Variants in MRPL47 observed in about 807,000 individuals in gnomAD.
MRPL47 encodes mitochondrial ribosomal protein L47, also known as large ribosomal subunit protein uL29m.
A neutral mutation model predicts 34.0 loss-of-function variants in MRPL47; 31 were observed. The ratio of observed to expected loss-of-function variants is 0.91; its 90% CI spans 0.68 to 1.23. MRPL47 has a LOEUF of 1.23. MRPL47 is among the 50% of genes most tolerant of loss of function. MRPL47 has a pLI of 0.00. For synonymous variants in MRPL47, 106 were observed against 101.6 expected (o/e 1.04, Z -0.26); for missense variants, 328 against 285.8 (o/e 1.15, Z -1.07).
chr3:179,589,346 A>G (rs545391550), intron 6 of MRPL47, among the ~76,000 whole-genome samples: 7 of 152,312 alleles, frequency 4.6e-5, no homozygotes, highest in Admixed American at 2.6e-4. Flanking sequence ...AGTGAGTACT[A>G]TTTGAAAGTA....
At chr3:179,599,259 ATGTG>A (rs1718868459) in intron 3 of MRPL47, among the ~76,000 whole-genome samples, 2 of 152,108 alleles carry the variant, frequency 1.3e-5, no homozygotes, top group African/African-American at 4.8e-5. Flanking sequence ...TTGCTTATCC[ATGTG>A]TTCAATAAAC....
chr3:179,591,008 A>C (rs1718661444), intron 6 of MRPL47, among the ~76,000 whole-genome samples: 1 of 152,256 alleles, frequency 6.6e-6, no homozygotes, highest in South Asian at 2.1e-4. Flanking sequence ...GTGATTCTAA[A>C]GTACACTAAA....
At chr3:179,600,075 C>A (rs1277018359) in intron 3 of MRPL47, among the ~76,000 whole-genome samples, 2 of 151,030 alleles carry the variant, frequency 1.3e-5, no homozygotes, top group African/African-American at 2.4e-5. Context: ...GGGCTGAGAT[C>A]GTGCCATTGC....
rs1190064097 is a variant in MRPL47, at chr3:179,592,686, C to G, written c.587G>C (p.Arg196Thr). ...ATAAGGCAAGGCAAAGAATCGTTTC[C>G]TATTGTATCTTTTATTTAGGTGCCA... ...IPWHLNKRYN[R>T]KRFFALPYVD... is the part of the protein sequence containing the mutation. The change falls in exon 6 of 7, where the codon AGG becomes ACG. Residue 196 changes from arginine (R) to threonine (T), a missense_variant. Coordinates refer to ENST00000476781, the MANE Select transcript of MRPL47 (RefSeq NM_020409.3). 2 of 1,613,934 alleles carry G rather than the reference C, an allele frequency of 1.2e-6. No individual in the cohort carries two copies. The highest frequency in any genetic ancestry group is 4.5e-5 in the East Asian group (2 of 44,860).
Position 179,588,820 on chromosome 3 carries a change from T to C in MRPL47, c.*52A>G. On this transcript the variant is annotated 3_prime_UTR_variant, in exon 7 of 7. Transcript: ENST00000476781. ...AAACCACTTAACATATTTACTCCTG[T>C]ACACAGACTATTCAAGAAAAACAAA... The C allele has an allele frequency of 6.4e-7, 1 of 1,567,674 alleles. No homozygotes were observed. Among genetic ancestry groups the C allele is most frequent in the East Asian group, 2.2e-5 (1 of 44,504 alleles).
intron 3 of MRPL47, among the ~76,000 whole-genome samples, chr3:179,601,269 GT>G (rs1718919465): frequency 6.6e-6 from 1 of 152,074 alleles, no homozygotes; most frequent in South Asian, 2.1e-4. Flanking sequence ...TTAGCTGGGT[GT>G]GGTGGTGCAT....
At chr3:179,593,182 TC>T (rs1718714296) in intron 5 of MRPL47, among the ~76,000 whole-genome samples, 1 of 152,170 alleles carries the variant, frequency 6.6e-6, no homozygotes. Flanking sequence ...GATTACCAGA[TC>T]CTTTCCCAAA....
intron 3 of MRPL47, among the ~76,000 whole-genome samples, chr3:179,599,653 A>G (rs1718881018): frequency 6.6e-6 from 1 of 152,228 alleles, no homozygotes; most frequent in African/African-American, 2.4e-5. Context: ...GGGACAGGCA[A>G]TAAGTACCAG....
At chr3:179,597,001 A>G (rs1718802618) in intron 4 of MRPL47, among the ~76,000 whole-genome samples, 1 of 152,210 alleles carries the variant, frequency 6.6e-6, no homozygotes, top group Non-Finnish European at 1.5e-5. Context: ...TGAAGTTTTT[A>G]TAGATAAAGG....
intron 5 of MRPL47, 133 bp downstream of exon 5, chr3:179,593,632 C>T: frequency 2.7e-6 from 2 of 734,904 alleles, no homozygotes; most frequent in Non-Finnish European, 4.1e-6. Context: ...GGGTGTGGGG[C>T]CTCTTCTTTT....
intron 5 of MRPL47, among the ~76,000 whole-genome samples, chr3:179,593,280 C>T (rs577900960): frequency 6.6e-6 from 1 of 152,306 alleles, no homozygotes; most frequent in Non-Finnish European, 1.5e-5. Flanking sequence ...AGGGCTTATC[C>T]TGATGGCAGT....
chr3:179,593,235 A>G (rs1282361219), intron 5 of MRPL47, among the ~76,000 whole-genome samples: 4 of 152,220 alleles, frequency 2.6e-5, no homozygotes, highest in Admixed American at 2.6e-4. Context: ...AGAAACAAGG[A>G]GGTATAAAAA....
Position 179,595,809 on chromosome 3 carries a change from T to G in MRPL47, c.403-1914A>C, listed in dbSNP as rs1576867550. On this transcript the variant is annotated intron_variant, in intron 4 of 6. Coordinates refer to ENST00000476781, the MANE Select transcript of MRPL47 (RefSeq NM_020409.3). ...AAGTCAACCTCAAAGAGCCTTCTTTTCTATAAGTTTCTCAGTGCCAGGAGC... is the reference window on the plus strand; with the variant it reads ...AAGTCAACCTCAAAGAGCCTTCTTTGCTATAAGTTTCTCAGTGCCAGGAGC... Among the ~76,000 whole-genome samples the G allele has an allele frequency of 4.6e-5, 7 of 152,250 alleles. No homozygotes were observed. The South Asian group carries it at 1.5e-3, about 32-fold the overall frequency.
intron 4 of MRPL47, among the ~76,000 whole-genome samples, chr3:179,598,042 A>C (rs1718828561): frequency 6.6e-6 from 1 of 152,204 alleles, no homozygotes; most frequent in African/African-American, 2.4e-5. Flanking sequence ...GCGGTTTCTT[A>C]AAATGCTAAA....
At position 179,602,021 on chromosome 3, in the gene MRPL47, AT is replaced by A. The variant is rs568716872; in HGVS notation, c.245-232del. ...AAATGTTAGCATTAGTACAGAACGT[AT>A]TTTCACACCCTAATGACAAAATACT... is the stretch of plus-strand genomic sequence containing the variant. On this transcript the variant is annotated intron_variant, in intron 2 of 6. Transcript: ENST00000476781. Among the ~76,000 whole-genome samples, 24 of 152,342 alleles carry A rather than the reference AT, an allele frequency of 1.6e-4. No individual in the cohort carries two copies. In the South Asian group the frequency reaches 4.8e-3, roughly 30 times the overall value.
At chr3:179,600,005 A>C (rs1054990410) in intron 3 of MRPL47, among the ~76,000 whole-genome samples, 2 of 151,892 alleles carry the variant, frequency 1.3e-5, no homozygotes, top group Non-Finnish European at 2.9e-5. Flanking sequence ...CGTGCCTGTA[A>C]TCCCAGCTAC....
rs1576865945 is a variant in MRPL47 at position 179,592,729 on chromosome 3, T to C, written c.544A>G (p.Lys182Glu). 1.2e-6 allele frequency: 2 copies of C among 1,612,046 alleles called. No homozygotes were observed. Among genetic ancestry groups the C allele is most frequent in the Non-Finnish European group, 1.7e-6 (2 of 1,178,660 alleles). ...AGGTGCCAAGGTATAACCCACTGCT[T>C]GAACTTGTGCCTGCCAATAAAGCAA... ...IFGRIIWHKF[K>E]QWVIPWHLNK... Residue 182 changes from lysine (K) to glutamate (E), a missense_variant, in exon 6 of 7, where the codon AAG (lysine) becomes GAG (glutamate). Coordinates refer to ENST00000476781, the MANE Select transcript of MRPL47 (RefSeq NM_020409.3).
intron 3 of MRPL47, among the ~76,000 whole-genome samples, chr3:179,600,142 A>G (rs542940019): frequency 6.6e-5 from 10 of 151,790 alleles, no homozygotes; most frequent in Non-Finnish European, 1.2e-4. Flanking sequence ...AACAAAAAAG[A>G]GAAATGGCAT....
chr3:179,591,986 C>T (rs945478425), intron 6 of MRPL47, among the ~76,000 whole-genome samples: 1 of 152,074 alleles, frequency 6.6e-6, no homozygotes, highest in Non-Finnish European at 1.5e-5. Context: ...GCACATGCTA[C>T]CATGGCCGGC....
Sources: gnomAD v4.1 joint callset for allele counts (sites outside exome capture counted in the v4.1 genomes callset) on GRCh38, gnomAD v4.1.1 for gene constraint, MANE v1.5 for transcripts, NCBI Gene and HGNC (gene_info 2026-07-23, HGNC 2026-07-21) for gene names.